The following ZFP64 variants were observed in gnomAD, a reference collection of about 807,000 sequenced individuals.
ZFP64 encodes zinc finger protein 64.
In ZFP64, 14 loss-of-function variants were observed where a neutral mutation model predicts 51.6. That is an observed-to-expected ratio of 0.27 (90% CI 0.18 to 0.42). The LOEUF (loss-of-function observed/expected upper bound fraction) is 0.42. Among genes scored for constraint, ZFP64 ranks in the 10% least tolerant of loss-of-function variants. ZFP64 has a pLI of 1.00. For missense variants in ZFP64, 754 were observed against 906.8 expected (o/e 0.83, Z 2.16); for synonymous variants, 375 against 361.4 (o/e 1.04, Z -0.43).
intron 7 of ZFP64, among the ~76,000 whole-genome samples, chr20:52,095,807 G>A (rs6096751): frequency 0.26 from 39,743 of 152,088 alleles, 6,994 homozygotes; most frequent in African/African-American, 0.51. Context: ...TGTGAAGGTT[G>A]TGTTGTGAAT....
At chr20:52,111,399 A>G (rs1978572952) in intron 5 of ZFP64, among the ~76,000 whole-genome samples, 4 of 151,742 alleles carry the variant, frequency 2.6e-5, no homozygotes, top group Admixed American at 2.6e-4. Context: ...TATTTTTAGT[A>G]GAGACGGGTT....
At chr20:52,110,933 C>G in intron 5 of ZFP64, 1 of 1,572,326 alleles carries the variant, frequency 6.4e-7, no homozygotes, top group Admixed American at 1.7e-5. Context: ...TGCTTCTCAC[C>G]GTAGCGGTAC....
intron 5 of ZFP64, chr20:52,105,320 C>T: frequency 3.2e-6 from 4 of 1,254,782 alleles, no homozygotes; most frequent in South Asian, 3.4e-5. Context: ...AATTACCCCC[C>T]TTCGGCCGGA....
intron 4 of ZFP64, among the ~76,000 whole-genome samples, chr20:52,161,450 CTTTTTTTTTTTTT>C (rs11469696): frequency 8.7e-6 from 1 of 115,184 alleles, no homozygotes; most frequent in Non-Finnish European, 1.7e-5. Flanking sequence ...TGATTGCTTT[CTTTTTTTTTTTTT>C]TTTTTTTTGC....
intron 5 of ZFP64, 143 bp downstream of exon 5, chr20:52,159,980 C>CAA: frequency 3.7e-6 from 5 of 1,355,120 alleles, no homozygotes; most frequent in Non-Finnish European, 5.0e-6. Flanking sequence ...ACAACAACAA[C>CAA]AAAAAAAAAC....
At chr20:52,119,557 T>TATAC (rs1363541703) in intron 5 of ZFP64, among the ~76,000 whole-genome samples, 274 of 83,010 alleles carry the variant, frequency 3.3e-3, no homozygotes, top group African/African-American at 0.014. Flanking sequence ...TATATATACA[T>TATAC]ATATATATAT....
chr20:52,097,522 T>A, intron 6 of ZFP64: 1 of 1,255,034 alleles, frequency 8.0e-7, no homozygotes, highest in Non-Finnish European at 1.1e-6. Flanking sequence ...TGGCTCCATC[T>A]CGGCTCACTG....
Position 52,152,078 on chromosome 20 carries a change from T to C in ZFP64, c.*68A>G. 1 of 1,542,076 alleles carries C rather than the reference T, an allele frequency of 6.5e-7. No individual in the cohort carries two copies. The highest frequency in any genetic ancestry group is 8.7e-7 in the Non-Finnish European group (1 of 1,146,836). ...AAAGAAAACATTAAGAGCAAACCTT[T>C]TAGAGAATTCTACTTAAGATTTCTT... is the stretch of plus-strand genomic sequence containing the variant. On this transcript the variant is annotated 3_prime_UTR_variant, in exon 6 of 6. Coordinates refer to ENST00000216923, the MANE Select transcript of ZFP64 (RefSeq NM_018197.3).
intron 1 of ZFP64, among the ~76,000 whole-genome samples, chr20:52,187,350 G>C (rs1007583483): frequency 6.6e-6 from 1 of 152,116 alleles, no homozygotes; most frequent in Non-Finnish European, 1.5e-5. Context: ...GGCCAGGCGC[G>C]GTGGCTCATG....
At chr20:52,166,068 C>A in intron 2 of ZFP64, 43 bp from the exon 3 acceptor site, 1 of 1,563,988 alleles carries the variant, frequency 6.4e-7, no homozygotes, top group East Asian at 2.3e-5. Context: ...TATAAATGCC[C>A]GCTAGCTATG....
intron 6 of ZFP64, among the ~76,000 whole-genome samples, chr20:52,097,872 C>A (rs1207995581): frequency 6.7e-6 from 1 of 149,864 alleles, no homozygotes; most frequent in Non-Finnish European, 1.5e-5. Context: ...AGTTTGAGAC[C>A]AGCCTGGGTA....
At chr20:52,188,827 T>G (rs925301704) in intron 1 of ZFP64, among the ~76,000 whole-genome samples, 1 of 151,456 alleles carries the variant, frequency 6.6e-6, no homozygotes, top group Non-Finnish European at 1.5e-5. Flanking sequence ...ACAAAAAAAA[T>G]TAGCCCGGCG....
At chr20:52,119,259 G>C (rs141458045) in intron 5 of ZFP64, among the ~76,000 whole-genome samples, 3 of 151,874 alleles carry the variant, frequency 2.0e-5, no homozygotes, top group Non-Finnish European at 4.4e-5. Flanking sequence ...GTTCACGCCT[G>C]TAATCCCAGC....
At chr20:52,095,997 G>T (rs1379247960) in intron 7 of ZFP64, among the ~76,000 whole-genome samples, 1 of 152,178 alleles carries the variant, frequency 6.6e-6, no homozygotes, top group Non-Finnish European at 1.5e-5. Context: ...CATCCTGGTA[G>T]CCTGTCTTCC....
intron 5 of ZFP64, among the ~76,000 whole-genome samples, chr20:52,141,457 C>A (rs182537894): frequency 1.9e-3 from 286 of 152,166 alleles, no homozygotes; most frequent in African/African-American, 6.8e-3. Flanking sequence ...AAATATCAAC[C>A]TTAGCAGGAG....
intron 5 of ZFP64, among the ~76,000 whole-genome samples, chr20:52,125,773 T>G (rs1270905852): frequency 2.6e-5 from 4 of 152,132 alleles, no homozygotes; most frequent in African/African-American, 9.7e-5. Flanking sequence ...CAGCCACTGA[T>G]GGCTTAACAC....
In ZFP64 at chr20:52,191,659, G is replaced by A; in HGVS notation, c.-23C>T. ...CATGGCCGCAGACTGGGAGGTCCCC[G>A]GCCGGCCGGGATGCCAAAGTGGGGG... is the stretch of plus-strand genomic sequence containing the variant. On this transcript the variant is annotated 5_prime_UTR_variant, in exon 1 of 6. Coordinates refer to ENST00000216923, the MANE Select transcript of ZFP64 (RefSeq NM_018197.3). The surrounding 1 kb of genome is among the most constrained non-coding windows in gnomAD (Gnocchi z 4.3). 2.5e-6 allele frequency: 4 copies of A among 1,575,146 alleles called. No homozygotes were observed. Among genetic ancestry groups the A allele is most frequent in the Non-Finnish European group, 3.4e-6 (4 of 1,164,448 alleles).
At chr20:52,098,727 G>T in intron 5 of ZFP64, 2 of 1,129,686 alleles carry the variant, frequency 1.8e-6, no homozygotes, top group Non-Finnish European at 2.5e-6. Flanking sequence ...CATGTGACCA[G>T]GCGGGGTGGC....
chr20:52,137,916 C>T (rs768518930), intron 5 of ZFP64, among the ~76,000 whole-genome samples: 8 of 151,980 alleles, frequency 5.3e-5, no homozygotes, highest in Non-Finnish European at 1.2e-4. Flanking sequence ...TGGCTCATGC[C>T]TCTAATCCCA....
Sources: allele counts gnomAD v4.1 joint callset (sites outside exome capture counted in the v4.1 genomes callset), GRCh38; gene constraint gnomAD v4.1.1; non-coding constraint Gnocchi (gnomAD v3.1); transcripts MANE v1.5; gene names NCBI Gene and HGNC (gene_info 2026-07-23, HGNC 2026-07-21).